The following MACROD2 variants were observed in gnomAD, a reference collection of about 807,000 sequenced individuals.
MACROD2 encodes mono-ADP ribosylhydrolase 2.
A neutral mutation model predicts 70.4 loss-of-function variants in MACROD2; 36 were observed. That is an observed-to-expected ratio of 0.51 (90% CI 0.39 to 0.68). MACROD2 has a LOEUF of 0.68. MACROD2 is among the 30% of genes least tolerant of loss of function. The probability of loss-of-function intolerance (pLI) is 0.00; values close to 1 mark genes in which losing one functional copy is unlikely to be tolerated. For missense variants in MACROD2, 496 were observed against 538.4 expected (o/e 0.92, Z 0.78); for synonymous variants, 172 against 178.8 (o/e 0.96, Z 0.30).
Position 16,049,948 on chromosome 20 carries a change from G to A in MACROD2, c.*72G>A. Reference sequence around the variant, plus strand: ...GAAGATAGCAGCACACGCTGTGGAGGAGGGTGGGGGTGGGGGGAAGGCAAG... The same window carrying A: ...GAAGATAGCAGCACACGCTGTGGAGAAGGGTGGGGGTGGGGGGAAGGCAAG... On this transcript the variant is annotated 3_prime_UTR_variant, in exon 18 of 18. Coordinates refer to ENST00000684519, the MANE Select transcript of MACROD2 (RefSeq NM_001351661.2). The A allele has an allele frequency of 1.2e-6, 1 of 864,980 alleles. No individual in the cohort carries two copies. The highest frequency in any genetic ancestry group is 1.8e-6 in the Non-Finnish European group (1 of 552,450). The allele number at this position is 864,980 out of a possible 1,614,324, so 53.6% of individuals were successfully genotyped here.
intron 2 of MACROD2, among the ~76,000 whole-genome samples, chr20:14,007,365 G>T (rs965362591): frequency 6.6e-6 from 1 of 151,928 alleles, no homozygotes; most frequent in African/African-American, 2.4e-5. Flanking sequence ...TTTTCAATTT[G>T]CCCCTTCCTT....
intron 4 of MACROD2, among the ~76,000 whole-genome samples, chr20:14,603,893 C>G (rs1364646889): frequency 6.6e-6 from 1 of 152,116 alleles, no homozygotes; most frequent in East Asian, 1.9e-4. Flanking sequence ...CTTCTAAGCT[C>G]TTTAGTTCAG....
chr20:15,338,536 A>G (rs545970031), intron 6 of MACROD2, among the ~76,000 whole-genome samples: 1 of 151,842 alleles, frequency 6.6e-6, no homozygotes, highest in South Asian at 2.1e-4. Flanking sequence ...CAGGATGCTA[A>G]GAAGCATCAC....
At position 14,806,119 on chromosome 20, in the gene MACROD2, G is replaced by T. The variant is rs184981450; in HGVS notation, c.418+121160G>T. Reference sequence around the variant, plus strand: ...AGGTCTTATTTCCTGAGGGCATCTGGTACGTCTTTGGATAAATGTGGCCAT... The same window carrying T: ...AGGTCTTATTTCCTGAGGGCATCTGTTACGTCTTTGGATAAATGTGGCCAT... On this transcript the variant is annotated intron_variant, in intron 5 of 17. Coordinates refer to ENST00000684519, the MANE Select transcript of MACROD2 (RefSeq NM_001351661.2). 7.4e-3 allele frequency among the ~76,000 whole-genome samples: 1,128 copies of T among 152,252 alleles called. 19 individuals are homozygous for T. Among genetic ancestry groups the T allele is most frequent in the South Asian group, 0.013 (62 of 4,830 alleles).
At chr20:15,672,717 G>A (rs754985743) in intron 8 of MACROD2, among the ~76,000 whole-genome samples, 22 of 152,160 alleles carry the variant, frequency 1.4e-4, no homozygotes, top group Non-Finnish European at 2.9e-4. Context: ...GACAGAGGCC[G>A]TCTGCCCTTT....
intron 10 of MACROD2, among the ~76,000 whole-genome samples, chr20:15,908,186 T>A (rs1422268464): frequency 6.6e-6 from 1 of 152,218 alleles, no homozygotes; most frequent in Non-Finnish European, 1.5e-5. Context: ...TGAGAAGGCA[T>A]GCGCTAGACC....
chr20:14,551,680 C>A (rs1293005713), intron 4 of MACROD2, among the ~76,000 whole-genome samples: 1 of 152,094 alleles, frequency 6.6e-6, no homozygotes, highest in Admixed American at 6.6e-5. Flanking sequence ...TGAGATATAG[C>A]TATGCATTGG....
At chr20:15,646,131 A>T (rs550809713) in intron 8 of MACROD2, among the ~76,000 whole-genome samples, 1 of 152,214 alleles carries the variant, frequency 6.6e-6, no homozygotes, top group South Asian at 2.1e-4. Flanking sequence ...ATAGGATCCT[A>T]TTATTATTTA....
chr20:14,195,973 A>G (rs2081428463), intron 3 of MACROD2, among the ~76,000 whole-genome samples: 1 of 152,198 alleles, frequency 6.6e-6, no homozygotes, highest in Admixed American at 6.5e-5. Context: ...CAAGACACCT[A>G]CAGACAGCTA....
intron 5 of MACROD2, among the ~76,000 whole-genome samples, chr20:14,775,590 T>G (rs2072223817): frequency 6.6e-6 from 1 of 151,860 alleles, no homozygotes; most frequent in Non-Finnish European, 1.5e-5. Flanking sequence ...CACCCCCATG[T>G]CTCTAACACC....
chr20:14,014,806 T>G (rs2052963757), intron 2 of MACROD2, among the ~76,000 whole-genome samples: 2 of 152,098 alleles, frequency 1.3e-5, no homozygotes, highest in Admixed American at 6.6e-5. Flanking sequence ...GTTTTTTTGT[T>G]TTGTTTTGTT....
chr20:14,432,895 T>C (rs1368770533), intron 3 of MACROD2, among the ~76,000 whole-genome samples: 1 of 152,150 alleles, frequency 6.6e-6, no homozygotes, highest in Non-Finnish European at 1.5e-5. Context: ...TTTGAAGAAT[T>C]GCTTTCAGAA....
chr20:14,340,666 G>A (rs1199882847), intron 3 of MACROD2, among the ~76,000 whole-genome samples: 3 of 152,004 alleles, frequency 2.0e-5, no homozygotes, highest in Non-Finnish European at 4.4e-5. Context: ...TAGATATTTT[G>A]GGTTGAAAAG....
chr20:14,613,733 T>G (rs975468902), intron 4 of MACROD2, among the ~76,000 whole-genome samples: 2 of 152,112 alleles, frequency 1.3e-5, no homozygotes, highest in South Asian at 2.1e-4. Context: ...TTAATGATCT[T>G]AGTGGAATGA....
chr20:16,006,209 A>G (rs2066786076), intron 15 of MACROD2, among the ~76,000 whole-genome samples: 1 of 152,166 alleles, frequency 6.6e-6, no homozygotes, highest in Admixed American at 6.6e-5. Flanking sequence ...TATTTGGACC[A>G]TTATTGAGTA....
chr20:15,519,117 T>TCCTTCCTTCCTC (rs1491128181), intron 8 of MACROD2, among the ~76,000 whole-genome samples: 11 of 139,758 alleles, frequency 7.9e-5, no homozygotes, highest in Non-Finnish European at 1.6e-4. Context: ...CTTCCTTCCT[T>TCCTTCCTTCCTC]CCTTTCTTTC....
Position 15,187,320 on chromosome 20 carries a change from A to G in MACROD2, c.419-42620A>G, listed in dbSNP as rs187665969. 4.3e-3 allele frequency among the ~76,000 whole-genome samples: 662 copies of G among 152,350 alleles called. 1 individual carries two copies. Among genetic ancestry groups the G allele is most frequent in the Non-Finnish European group, 6.6e-3 (449 of 68,032 alleles). Reference sequence around the variant, plus strand: ...TAAAATATGCCTTACATCAAACTCAATAATTTTATTAAGCACTTGAACACA... The same window carrying G: ...TAAAATATGCCTTACATCAAACTCAGTAATTTTATTAAGCACTTGAACACA... On this transcript the variant is annotated intron_variant, in intron 5 of 17. Coordinates refer to ENST00000684519, the MANE Select transcript of MACROD2 (RefSeq NM_001351661.2).
At chr20:14,663,101 G>A (rs944436633) in intron 4 of MACROD2, among the ~76,000 whole-genome samples, 84 of 152,024 alleles carry the variant, frequency 5.5e-4, no homozygotes, top group African/African-American at 2.0e-3. Context: ...ATCAGTGGTA[G>A]ACTCGATAAA....
At chr20:15,208,880 C>A (rs1159416962) in intron 5 of MACROD2, among the ~76,000 whole-genome samples, 1 of 152,118 alleles carries the variant, frequency 6.6e-6, no homozygotes, top group Non-Finnish European at 1.5e-5. Flanking sequence ...TTACCACCAG[C>A]AAGGGCTGAA....
Sources: gnomAD v4.1 joint callset for allele counts (sites outside exome capture counted in the v4.1 genomes callset) on GRCh38, gnomAD v4.1.1 for gene constraint, MANE v1.5 for transcripts, NCBI Gene and HGNC (gene_info 2026-07-23, HGNC 2026-07-21) for gene names.